The following TTLL11 variants were observed in gnomAD, a reference collection of about 807,000 sequenced individuals.
The protein encoded by TTLL11 is tubulin polyglutamylase TTLL11.
Under a neutral mutation model 51.7 loss-of-function variants are expected in TTLL11, and 42 were observed. The observed-to-expected ratio is 0.81, with a 90% CI of 0.64 to 1.05. The LOEUF is 1.05. TTLL11 is among the 50% of genes least tolerant of loss of function. The pLI is 0.00. For synonymous variants in TTLL11, 381 were observed against 383.5 expected (o/e 0.99, Z 0.08); for missense variants, 799 against 940.4 (o/e 0.85, Z 1.97).
chr9:122,004,681 A>C (rs999677166), intron 3 of TTLL11, among the ~76,000 whole-genome samples: 5 of 152,168 alleles, frequency 3.3e-5, no homozygotes, highest in Admixed American at 6.5e-5. Context: ...CGATTATTTG[A>C]GTTTGATAGA....
At chr9:122,087,394 A>G (rs926569240) in intron 1 of TTLL11, among the ~76,000 whole-genome samples, 1 of 152,200 alleles carries the variant, frequency 6.6e-6, no homozygotes, top group African/African-American at 2.4e-5. Context: ...CCTATTTAAT[A>G]AACAGTAACT....
intron 1 of TTLL11, among the ~76,000 whole-genome samples, chr9:122,053,348 C>G (rs942273294): frequency 6.6e-6 from 1 of 152,206 alleles, no homozygotes; most frequent in South Asian, 2.1e-4. Context: ...AAGGAAGAGA[C>G]GAAGGGAAAT....
chr9:121,887,162 C>T (rs1293980494), intron 6 of TTLL11, among the ~76,000 whole-genome samples: 2 of 152,218 alleles, frequency 1.3e-5, no homozygotes, highest in East Asian at 3.8e-4. Flanking sequence ...ATGACATGTT[C>T]ACTGAAGCGA....
intron 7 of TTLL11, among the ~76,000 whole-genome samples, chr9:121,866,081 G>A (rs1838165423): frequency 6.6e-6 from 1 of 152,198 alleles, no homozygotes; most frequent in Admixed American, 6.5e-5. Context: ...CCATTTGCGT[G>A]GGAGCGCTGA....
chr9:122,069,291 C>A (rs1357593412), intron 1 of TTLL11, among the ~76,000 whole-genome samples: 2 of 152,160 alleles, frequency 1.3e-5, no homozygotes, highest in East Asian at 3.9e-4. Flanking sequence ...AGCCCTACCT[C>A]CTCAGGCTAG....
At chr9:121,919,172 G>C (rs1427080876) in intron 6 of TTLL11, among the ~76,000 whole-genome samples, 1 of 152,220 alleles carries the variant, frequency 6.6e-6, no homozygotes, top group African/African-American at 2.4e-5. Context: ...AAATGATGGG[G>C]ATAATGGGGG....
chr9:122,064,305 G>C (rs1352488680), intron 1 of TTLL11, among the ~76,000 whole-genome samples: 1 of 152,184 alleles, frequency 6.6e-6, no homozygotes, highest in Non-Finnish European at 1.5e-5. Context: ...GACTTAGGGG[G>C]AGGGGAGGAA....
intron 6 of TTLL11, among the ~76,000 whole-genome samples, chr9:121,959,404 A>C (rs1451588979): frequency 6.6e-6 from 1 of 152,180 alleles, no homozygotes; most frequent in African/African-American, 2.4e-5. Context: ...TATCGCTGGA[A>C]GTCTCACGAC....
At chr9:122,072,864 A>G (rs1181046989) in intron 1 of TTLL11, among the ~76,000 whole-genome samples, 1 of 152,128 alleles carries the variant, frequency 6.6e-6, no homozygotes, top group African/African-American at 2.4e-5. Flanking sequence ...TACACCGGAT[A>G]GTAATAAGCA....
At chr9:121,849,345 G>A (rs1837601673) in intron 8 of TTLL11, among the ~76,000 whole-genome samples, 1 of 152,102 alleles carries the variant, frequency 6.6e-6, no homozygotes, top group Non-Finnish European at 1.5e-5. Flanking sequence ...CTCGGGTTTG[G>A]CTATAAAATT....
chr9:121,944,064 C>T (rs1034731207), intron 6 of TTLL11, among the ~76,000 whole-genome samples: 12 of 152,222 alleles, frequency 7.9e-5, no homozygotes, highest in African/African-American at 2.6e-4. Context: ...ATTGCATTTT[C>T]CTGGAAGGAA....
At position 121,989,802 on chromosome 9, in the gene TTLL11, T is replaced by A; in HGVS notation, c.694-32A>T. ...GGGGAAAAAAGGATGGCCGACATTATATTGTTTTCCCTCTGGATCCCTAAC... is the reference window on the plus strand; with the variant it reads ...GGGGAAAAAAGGATGGCCGACATTAAATTGTTTTCCCTCTGGATCCCTAAC... On this transcript the variant is annotated intron_variant, in intron 3 of 8. Transcript: ENST00000321582. The surrounding 1 kb of genome is among the most constrained non-coding windows in gnomAD (Gnocchi z 4.2). The A allele has an allele frequency of 6.4e-7, 1 of 1,558,822 alleles. No individual in the cohort carries two copies. The highest frequency in any genetic ancestry group is 8.7e-7 in the Non-Finnish European group (1 of 1,153,866).
chr9:121,973,767 A>G (rs995140313), intron 6 of TTLL11, among the ~76,000 whole-genome samples: 3 of 152,192 alleles, frequency 2.0e-5, no homozygotes, highest in Non-Finnish European at 4.4e-5. Flanking sequence ...AGGAAGAGAC[A>G]TTCCAGATTT....
intron 6 of TTLL11, among the ~76,000 whole-genome samples, chr9:121,892,367 C>A (rs1462620453): frequency 6.6e-6 from 1 of 151,994 alleles, no homozygotes; most frequent in Non-Finnish European, 1.5e-5. Flanking sequence ...CACAATTCCA[C>A]ATGGGGGGGT....
At chr9:121,882,982 C>CA (rs1303127004) in intron 6 of TTLL11, among the ~76,000 whole-genome samples, 1 of 152,016 alleles carries the variant, frequency 6.6e-6, no homozygotes, top group African/African-American at 2.4e-5. Context: ...ATAGGTGATA[C>CA]AAAAAACACA....
At chr9:121,985,807 A>C (rs557519176) in intron 4 of TTLL11, among the ~76,000 whole-genome samples, 2 of 152,224 alleles carry the variant, frequency 1.3e-5, no homozygotes, top group East Asian at 3.9e-4. Context: ...GGCGTGAGCC[A>C]CCGCGCCCGG....
At chr9:121,980,132 AG>A (rs1313027741) in intron 4 of TTLL11, among the ~76,000 whole-genome samples, 1 of 152,048 alleles carries the variant, frequency 6.6e-6, no homozygotes, top group African/African-American at 2.4e-5. Context: ...AGTGTGATAC[AG>A]TGGGTGGAGG....
chr9:121,844,822 T>C (rs1428366549), intron 8 of TTLL11, among the ~76,000 whole-genome samples: 1 of 99,764 alleles, frequency 1.0e-5, no homozygotes, highest in Non-Finnish European at 2.1e-5. Flanking sequence ...ACTGAAACAA[T>C]GAATTAAAGA....
At chr9:122,086,836 A>T (rs902392838) in intron 1 of TTLL11, among the ~76,000 whole-genome samples, 1 of 152,256 alleles carries the variant, frequency 6.6e-6, no homozygotes, top group African/African-American at 2.4e-5. Context: ...ATCATAAAAC[A>T]CTTAAAAGTG....
Sources: allele counts gnomAD v4.1 joint callset (sites outside exome capture counted in the v4.1 genomes callset), GRCh38; gene constraint gnomAD v4.1.1; non-coding constraint Gnocchi (gnomAD v3.1); transcripts MANE v1.5; gene names NCBI Gene and HGNC (gene_info 2026-07-23, HGNC 2026-07-21).